The following TPRG1 variants were observed in gnomAD, a reference collection of about 807,000 sequenced individuals.
TPRG1 encodes tumor protein p63-regulated gene 1 protein.
Under a neutral mutation model 29.3 loss-of-function variants are expected in TPRG1, and 29 were observed. The ratio of observed to expected loss-of-function variants is 0.99; its 90% CI spans 0.74 to 1.35. TPRG1 has a LOEUF of 1.35. Among genes scored for constraint, TPRG1 ranks in the 40% most tolerant of loss-of-function variants. The pLI is 0.00. For missense variants in TPRG1, 327 were observed against 335.0 expected (o/e 0.98, Z 0.19); for synonymous variants, 130 against 116.8 (o/e 1.11, Z -0.73).
chr3:189,094,428 C>T (rs1718541331), intron 4 of TPRG1, among the ~76,000 whole-genome samples: 1 of 152,140 alleles, frequency 6.6e-6, no homozygotes, highest in Admixed American at 6.6e-5. Context: ...ACTTTTAAAG[C>T]TTTGTTTCTG....
intron 2 of TPRG1, among the ~76,000 whole-genome samples, chr3:189,214,004 T>A (rs78840663): frequency 0.068 from 10,282 of 152,268 alleles, 474 homozygotes; most frequent in Middle Eastern, 0.13. Flanking sequence ...TTTATAGATA[T>A]GTCATTTTGT....
chr3:189,125,520 C>T (rs1006051801), intron 1 of TPRG1, among the ~76,000 whole-genome samples: 2 of 152,140 alleles, frequency 1.3e-5, no homozygotes, highest in Non-Finnish European at 2.9e-5. Context: ...CACCCCACCC[C>T]TTTTGAGGTC....
At chr3:189,070,125 G>A (rs1716720202) in intron 4 of TPRG1, among the ~76,000 whole-genome samples, 1 of 152,124 alleles carries the variant, frequency 6.6e-6, no homozygotes, top group Admixed American at 6.6e-5. Context: ...ACACTGCTTG[G>A]AAGAATGTCC....
intron 4 of TPRG1, among the ~76,000 whole-genome samples, chr3:189,304,459 C>G (rs932215377): frequency 6.6e-6 from 1 of 152,120 alleles, no homozygotes; most frequent in Non-Finnish European, 1.5e-5. Flanking sequence ...CTTGGTTACC[C>G]TTGCCAGTAA....
At chr3:189,062,741 A>C (rs1716200165) in intron 4 of TPRG1, among the ~76,000 whole-genome samples, 2 of 152,146 alleles carry the variant, frequency 1.3e-5, no homozygotes, top group Non-Finnish European at 2.9e-5. Context: ...CCCACCCCAC[A>C]AAAAACTACA....
chr3:189,199,636 C>T (rs1246970465), intron 1 of TPRG1, among the ~76,000 whole-genome samples: 6 of 152,068 alleles, frequency 3.9e-5, no homozygotes, highest in African/African-American at 1.2e-4. Flanking sequence ...GTCAGGAGTT[C>T]GAGACCAGTC....
intron 4 of TPRG1, among the ~76,000 whole-genome samples, chr3:189,068,946 C>T (rs1716641647): frequency 6.6e-6 from 1 of 151,984 alleles, no homozygotes; most frequent in African/African-American, 2.4e-5. Context: ...GGAAGCTAAA[C>T]GTTAAAACAA....
At chr3:189,214,300 G>A (rs1735704482) in intron 2 of TPRG1, among the ~76,000 whole-genome samples, 2 of 152,076 alleles carry the variant, frequency 1.3e-5, no homozygotes, top group Non-Finnish European at 2.9e-5. Context: ...TATTTGTTGA[G>A]ACCAAAATTA....
intron 3 of TPRG1, among the ~76,000 whole-genome samples, chr3:189,021,587 C>G (rs1392923645): frequency 6.6e-6 from 1 of 152,186 alleles, no homozygotes; most frequent in Admixed American, 6.5e-5. Flanking sequence ...TGTAGGGTTT[C>G]TGCCGAGAGA....
chr3:189,247,032 G>A (rs933172329), intron 4 of TPRG1, among the ~76,000 whole-genome samples: 7 of 151,984 alleles, frequency 4.6e-5, no homozygotes, highest in African/African-American at 1.7e-4. Context: ...AGTTTCGGAG[G>A]TTTGGGGCTA....
intron 1 of TPRG1, among the ~76,000 whole-genome samples, chr3:189,203,401 G>A (rs866972497): frequency 1.3e-5 from 2 of 151,858 alleles, no homozygotes; most frequent in Non-Finnish European, 2.9e-5. Context: ...AGCAAAAATT[G>A]ACGCACAATC....
At chr3:189,249,467 T>A (rs1741838146) in intron 4 of TPRG1, among the ~76,000 whole-genome samples, 1 of 152,018 alleles carries the variant, frequency 6.6e-6, no homozygotes, top group Non-Finnish European at 1.5e-5. Context: ...GATGTGCACT[T>A]GCATACATCC....
chr3:189,255,043 G>A (rs1354136740), intron 4 of TPRG1, among the ~76,000 whole-genome samples: 3 of 152,142 alleles, frequency 2.0e-5, no homozygotes, highest in Non-Finnish European at 4.4e-5. Context: ...GCCCTGGCCA[G>A]AACTTCCAAT....
chr3:189,031,870 G>A (rs1713951382), intron 4 of TPRG1, among the ~76,000 whole-genome samples: 1 of 152,098 alleles, frequency 6.6e-6, no homozygotes, highest in Admixed American at 6.6e-5. Flanking sequence ...AAGGAAAGTA[G>A]CAATTAGAAT....
chr3:189,031,375 G>C (rs1445497699), intron 4 of TPRG1, among the ~76,000 whole-genome samples: 1 of 152,040 alleles, frequency 6.6e-6, no homozygotes, highest in Non-Finnish European at 1.5e-5. Context: ...TACCTCACAG[G>C]ATATGTGGTA....
intron 3 of TPRG1, among the ~76,000 whole-genome samples, chr3:189,021,901 T>C (rs1432491073): frequency 2.6e-5 from 4 of 152,194 alleles, no homozygotes; most frequent in Non-Finnish European, 5.9e-5. Context: ...TTTCACATAG[T>C]CCCATATCTC....
At chr3:189,126,462 A>G (rs913962495) in intron 1 of TPRG1, among the ~76,000 whole-genome samples, 1 of 152,198 alleles carries the variant, frequency 6.6e-6, no homozygotes, top group Non-Finnish European at 1.5e-5. Context: ...ATAAATTGGG[A>G]AAAAATACCT....
chr3:189,059,930 TC>T (rs1465031110), intron 4 of TPRG1, among the ~76,000 whole-genome samples: 1 of 152,048 alleles, frequency 6.6e-6, no homozygotes, highest in Non-Finnish European at 1.5e-5. Context: ...AATTCAACAT[TC>T]CTTCATGTTA....
chr3:189,289,011 T>A (rs1418146155), intron 4 of TPRG1, among the ~76,000 whole-genome samples: 5 of 152,196 alleles, frequency 3.3e-5, no homozygotes, highest in African/African-American at 1.2e-4. Context: ...GTACTGTGTA[T>A]TAGAGGGTAA....
Sources: gnomAD v4.1 joint callset for allele counts (sites outside exome capture counted in the v4.1 genomes callset) on GRCh38, gnomAD v4.1.1 for gene constraint, MANE v1.5 for transcripts, NCBI Gene and HGNC (gene_info 2026-07-23, HGNC 2026-07-21) for gene names.